Variants in OPHN1 observed in about 807,000 individuals in gnomAD.
OPHN1 encodes the protein oligophrenin 1.
In OPHN1, 11 loss-of-function variants were observed where a neutral mutation model predicts 60.7. The ratio of observed to expected loss-of-function variants is 0.18; its 90% confidence interval spans 0.11 to 0.30. The LOEUF (loss-of-function observed/expected upper bound fraction) is 0.30, where lower values mean the gene tolerates loss of function less well. Ranked by LOEUF, OPHN1 falls within the 10% of genes least tolerant of loss-of-function variation. The pLI is 1.00. For synonymous variants in OPHN1, 226 were observed against 222.6 expected (o/e 1.02, Z -0.14); for missense variants, 449 against 611.0 (o/e 0.73, Z 2.80).
intron 2 of OPHN1, among the ~76,000 whole-genome samples, chrX:68,414,348 C>T (rs1180451723): frequency 8.9e-6 from 1 of 111,782 alleles, no homozygotes; most frequent in Non-Finnish European, 1.9e-5. Flanking sequence ...CCCCACTTTA[C>T]TGTCATTGGA....
intron 15 of OPHN1, among the ~76,000 whole-genome samples, chrX:68,145,536 G>A (rs1806535389): frequency 9.0e-6 from 1 of 111,462 alleles, no homozygotes; most frequent in African/African-American, 3.3e-5. Flanking sequence ...ACAAAAAGGT[G>A]GGGGGAAGCA....
At chrX:68,120,188 G>A (rs773761571) in intron 15 of OPHN1, among the ~76,000 whole-genome samples, 2 of 110,978 alleles carry the variant, frequency 1.8e-5, no homozygotes, top group Admixed American at 1.9e-4. Flanking sequence ...CCTTACCACC[G>A]TATCAACTGG....
chrX:68,220,379 T>C (rs1244097038), intron 6 of OPHN1, among the ~76,000 whole-genome samples: 2 of 111,253 alleles, frequency 1.8e-5, no homozygotes, highest in African/African-American at 6.5e-5. Context: ...CTATTCCTTC[T>C]GAAACTATTC....
intron 18 of OPHN1, among the ~76,000 whole-genome samples, chrX:68,105,534 A>T (rs1312936216): frequency 1.8e-5 from 2 of 109,164 alleles, no homozygotes; most frequent in Non-Finnish European, 3.8e-5. Context: ...GGAAACCATC[A>T]TTCTCAGAAA....
chrX:68,061,503 T>A (rs1319608858), intron 21 of OPHN1, among the ~76,000 whole-genome samples: 1 of 111,714 alleles, frequency 9.0e-6, no homozygotes, highest in Admixed American at 9.5e-5. Context: ...GGTCACGACA[T>A]GACTTAAAAA....
chrX:68,224,353 G>C (rs975486063), intron 6 of OPHN1, among the ~76,000 whole-genome samples: 1 of 111,532 alleles, frequency 9.0e-6, no homozygotes, highest in Non-Finnish European at 1.9e-5. Context: ...TGAAACCTGA[G>C]TCAAAGACGC....
chrX:68,247,584 A>C (rs911474135), intron 5 of OPHN1, among the ~76,000 whole-genome samples: 1 of 111,039 alleles, frequency 9.0e-6, no homozygotes, highest in Non-Finnish European at 1.9e-5. Context: ...ACATTAAGTT[A>C]TGTGCTAGCC....
chrX:68,373,404 C>T (rs1458312571), intron 2 of OPHN1, among the ~76,000 whole-genome samples: 2 of 112,033 alleles, frequency 1.8e-5, no homozygotes, highest in Non-Finnish European at 3.8e-5. Context: ...TTTTCCTTTA[C>T]CCATTTAATC....
intron 2 of OPHN1, among the ~76,000 whole-genome samples, chrX:68,301,677 C>T (rs1473495254): frequency 2.8e-4 from 31 of 111,510 alleles, no homozygotes; most frequent in Non-Finnish European, 1.3e-4. Flanking sequence ...AAATTCACTA[C>T]ATCACTCCAA....
intron 15 of OPHN1, among the ~76,000 whole-genome samples, chrX:68,160,092 A>G (rs2077327790): frequency 9.1e-6 from 1 of 110,254 alleles, no homozygotes; most frequent in South Asian, 3.8e-4. Flanking sequence ...GGAGACATAT[A>G]TTATACAAAT....
chrX:68,375,060 GT>G lies in OPHN1; in HGVS notation c.154+57806del, dbSNP rs1427144250. Among the ~76,000 whole-genome samples, 3 of 112,360 alleles carry G rather than the reference GT, an allele frequency of 2.7e-5. No individual in the cohort carries two copies. In the East Asian group the frequency reaches 8.4e-4, roughly 32 times the overall value. ...AGCCACTCTAGAAAATGGTTTGGCAGTTTCTTATAAAATTAAACATGTACAT... is the reference window on the plus strand; with the variant it reads ...AGCCACTCTAGAAAATGGTTTGGCAGTTCTTATAAAATTAAACATGTACAT... On this transcript the variant is annotated intron_variant, in intron 2 of 24. Transcript: ENST00000355520.
intron 2 of OPHN1, among the ~76,000 whole-genome samples, chrX:68,373,537 G>T (rs149885316): frequency 0.015 from 1,617 of 111,224 alleles, 16 homozygotes; most frequent in Non-Finnish European, 0.023. Context: ...GACTACAAGT[G>T]GTTTCAGCCA....
chrX:68,097,540 A>G (rs753120758), intron 18 of OPHN1, among the ~76,000 whole-genome samples: 3 of 111,349 alleles, frequency 2.7e-5, no homozygotes, highest in African/African-American at 9.8e-5. Context: ...ACAGATGAAA[A>G]AACATAGGCC....
chrX:68,279,261 C>T (rs771509204), intron 4 of OPHN1, among the ~76,000 whole-genome samples: 4 of 104,985 alleles, frequency 3.8e-5, no homozygotes, highest in South Asian at 4.7e-4. Flanking sequence ...TAGAGATGCA[C>T]GATAACGCCC....
intron 19 of OPHN1, among the ~76,000 whole-genome samples, chrX:68,075,872 A>C (rs1020274963): frequency 6.4e-5 from 7 of 110,027 alleles, no homozygotes; most frequent in African/African-American, 2.3e-4. Context: ...TAAAAGCTGA[A>C]ACTATAAAAT....
chrX:68,371,248 C>T (rs2078527261), intron 2 of OPHN1, among the ~76,000 whole-genome samples: 1 of 103,818 alleles, frequency 9.6e-6, no homozygotes, highest in South Asian at 4.3e-4. Context: ...AAAAAGGTCT[C>T]GTTCTGTCAG....
intron 6 of OPHN1, among the ~76,000 whole-genome samples, chrX:68,231,224 G>A (rs1270560680): frequency 9.0e-6 from 1 of 111,632 alleles, no homozygotes; most frequent in Admixed American, 9.5e-5. Flanking sequence ...AAAATAAATG[G>A]AAAGATATTC....
At chrX:68,239,476 C>T (rs1421758178) in intron 5 of OPHN1, among the ~76,000 whole-genome samples, 10 of 111,657 alleles carry the variant, frequency 9.0e-5, no homozygotes, top group Non-Finnish European at 7.5e-5. Context: ...GGTCCGTGGG[C>T]ACAGGCCCAG....
At chrX:68,388,960 ATT>A (rs376035132) in intron 2 of OPHN1, among the ~76,000 whole-genome samples, 9 of 100,854 alleles carry the variant, frequency 8.9e-5, no homozygotes, top group Admixed American at 1.1e-4. Flanking sequence ...ACTAGTCAAC[ATT>A]TTTTTTTTTT....
Sources: gnomAD v4.1 joint callset for allele counts (sites outside exome capture counted in the v4.1 genomes callset) on GRCh38, gnomAD v4.1.1 for gene constraint, MANE v1.5 for transcripts, NCBI Gene and HGNC (gene_info 2026-07-23, HGNC 2026-07-21) for gene names.